The following CIB1 variants were observed in gnomAD, a reference collection of about 807,000 sequenced individuals.
CIB1 encodes calcium and integrin-binding protein 1.
A neutral mutation model predicts 25.0 loss-of-function variants in CIB1; 19 were observed. That is an observed-to-expected ratio of 0.76 (90% CI 0.53 to 1.12). The LOEUF (loss-of-function observed/expected upper bound fraction) is 1.12, where lower values mean the gene tolerates loss of function less well. CIB1 is among the 50% of genes most tolerant of loss of function. The pLI, the probability that CIB1 is intolerant of heterozygous loss-of-function variation, is 0.00. For missense variants in CIB1, 236 were observed against 242.6 expected (o/e 0.97, Z 0.18); for synonymous variants, 104 against 98.5 (o/e 1.06, Z -0.33).
the CIB1 span, chr15:90,256,023 G>A: frequency 2.6e-6 from 4 of 1,556,790 alleles, no homozygotes; most frequent in South Asian, 4.8e-5. Context: ...AAAGAAAAGA[G>A]GGTCTGAGAC....
At chr15:90,250,484 G>T in the CIB1 span, 3 of 949,824 alleles carry the variant, frequency 3.2e-6, no homozygotes, top group Non-Finnish European at 4.6e-6. Flanking sequence ...CAGTGAAACA[G>T]TTTTGTCCTG....
the CIB1 span, chr15:90,258,586 A>G: frequency 1.5e-6 from 1 of 657,592 alleles, no homozygotes; most frequent in Non-Finnish European, 2.6e-6. Flanking sequence ...GGAGATCTCT[A>G]TGGCAGAGTT....
At chr15:90,240,915 C>G in the CIB1 span, 1 of 1,612,518 alleles carries the variant, frequency 6.2e-7, no homozygotes, top group Admixed American at 1.7e-5. Context: ...CTCTATGGCT[C>G]TTCCACATGA....
the CIB1 span, among the ~76,000 whole-genome samples, chr15:90,252,055 T>C: frequency 5.9e-5 from 9 of 151,440 alleles, no homozygotes; most frequent in East Asian, 2.0e-4. Context: ...TTTTTTTTTT[T>C]TGAGACCGAG....
At chr15:90,232,155 G>C in intron 3 of CIB1, 64 bp downstream of exon 3, 1 of 1,290,402 alleles carries the variant, frequency 7.7e-7, no homozygotes, top group South Asian at 1.3e-5. Context: ...GTGGCAGATG[G>C]AGTTAGGGGG....
the CIB1 span, chr15:90,255,702 T>G: frequency 1.2e-6 from 2 of 1,612,890 alleles, no homozygotes; most frequent in Non-Finnish European, 1.7e-6. Flanking sequence ...GATGCCCAGG[T>G]GCTAGGAAAT....
chr15:90,264,178 T>A, the CIB1 span: 1 of 657,514 alleles, frequency 1.5e-6, no homozygotes, highest in East Asian at 2.7e-5. Context: ...ATGGGGAAGT[T>A]AGGGTACCCA....
chr15:90,255,002 A>G, the CIB1 span, among the ~76,000 whole-genome samples: 1 of 152,230 alleles, frequency 6.6e-6, no homozygotes. Context: ...TGGTTAGGAC[A>G]TGGAGGGTCA....
At chr15:90,249,766 A>G in the CIB1 span, 2 of 152,152 alleles carry the variant, frequency 1.3e-5, no homozygotes, top group Non-Finnish European at 2.9e-5. Context: ...CCAGGCGGCT[A>G]GGGGCGGACC....
chr15:90,234,619 T>C (rs1175564119), upstream of CIB1: 2 of 151,796 alleles, frequency 1.3e-5, no homozygotes, highest in Non-Finnish European at 2.9e-5. Flanking sequence ...TTTACAAAGA[T>C]GGAAATACGT....
At chr15:90,237,066 C>T (rs1056519275), upstream of CIB1, among the ~76,000 whole-genome samples, 4 of 152,022 alleles carry the variant, frequency 2.6e-5, no homozygotes, top group Admixed American at 1.3e-4. Flanking sequence ...TCAAGCGATT[C>T]TCCTGCCTTA....
chr15:90,262,906 G>T, the CIB1 span: 1 of 1,488,970 alleles, frequency 6.7e-7, no homozygotes, highest in South Asian at 1.3e-5. Flanking sequence ...TAGCCATCCT[G>T]GGTGATGGTT....
chr15:90,230,575 C>T, intron 6 of CIB1, 70 bp from the exon 7 acceptor site: 2 of 1,501,244 alleles, frequency 1.3e-6, no homozygotes, highest in Non-Finnish European at 1.8e-6. Context: ...AACTTGCCCC[C>T]TTCTCCCTTT....
the CIB1 span, chr15:90,243,830 T>C: frequency 0.25 from 37,327 of 150,576 alleles, 6,605 homozygotes; most frequent in African/African-American, 0.5. Context: ...TTTGGAGAGA[T>C]AGCATCTTGC....
At chr15:90,240,780 C>A in the CIB1 span, 1 of 670,920 alleles carries the variant, frequency 1.5e-6, no homozygotes, top group Non-Finnish European at 2.5e-6. Flanking sequence ...TGCCACTGCA[C>A]TCCAGCCTGG....
the CIB1 span, among the ~76,000 whole-genome samples, chr15:90,239,434 G>A: frequency 6.6e-6 from 1 of 152,154 alleles, no homozygotes; most frequent in East Asian, 1.9e-4. Flanking sequence ...CTGCAAGGGT[G>A]GACAGGCCTC....
chr15:90,265,397 G>A, the CIB1 span: 2 of 1,254,776 alleles, frequency 1.6e-6, no homozygotes, highest in Non-Finnish European at 2.0e-6. Context: ...GCGGAGACAG[G>A]CAGGCCTGGG....
the CIB1 span, chr15:90,241,389 C>G: frequency 6.2e-7 from 1 of 1,613,972 alleles, no homozygotes; most frequent in Non-Finnish European, 8.5e-7. Flanking sequence ...CAACGTCAGC[C>G]CCCTGGAGTG....
chr15:90,242,146 G>T, the CIB1 span: 3 of 1,211,862 alleles, frequency 2.5e-6, no homozygotes, highest in Non-Finnish European at 3.4e-6. Context: ...AGAGTGTAGT[G>T]GTATGATCCT....
Sources: gnomAD v4.1 joint callset for allele counts (sites outside exome capture counted in the v4.1 genomes callset) on GRCh38, gnomAD v4.1.1 for gene constraint, MANE v1.5 for transcripts, NCBI Gene and HGNC (gene_info 2026-07-23, HGNC 2026-07-21) for gene names.